Variants in BTAF1 observed in about 807,000 individuals in gnomAD.
The protein encoded by BTAF1 is B-TFIID TATA-box binding protein associated factor 1.
A neutral mutation model predicts 227.1 loss-of-function variants in BTAF1; 38 were observed. The ratio of observed to expected loss-of-function variants is 0.17; its 90% CI spans 0.13 to 0.22. The LOEUF (loss-of-function observed/expected upper bound fraction) is 0.22. Ranked by LOEUF, BTAF1 falls within the 10% of genes least tolerant of loss-of-function variation. The pLI is 1.00. For missense variants in BTAF1, 1,598 were observed against 2,204.0 expected (o/e 0.73, Z 5.51); for synonymous variants, 742 against 751.9 (o/e 0.99, Z 0.21).
At chr10:91,981,143 C>A (rs1343269869) in intron 15 of BTAF1, among the ~76,000 whole-genome samples, 1 of 152,088 alleles carries the variant, frequency 6.6e-6, no homozygotes, top group Non-Finnish European at 1.5e-5. Context: ...ATAGGCTAGT[C>A]CTAGCCCATT....
intron 3 of BTAF1, among the ~76,000 whole-genome samples, chr10:91,941,059 A>G (rs749192552): frequency 6.6e-6 from 1 of 152,128 alleles, no homozygotes; most frequent in African/African-American, 2.4e-5. Flanking sequence ...AGCTTGCCTA[A>G]TACTGTTGCT....
intron 3 of BTAF1, among the ~76,000 whole-genome samples, chr10:91,940,536 C>A (rs1044107706): frequency 6.6e-6 from 1 of 151,838 alleles, no homozygotes; most frequent in South Asian, 2.1e-4. Flanking sequence ...GTTCTGATTG[C>A]CTGTAATGAC....
intron 12 of BTAF1, among the ~76,000 whole-genome samples, chr10:91,963,457 G>A (rs2133908858): frequency 1.3e-5 from 2 of 152,162 alleles, no homozygotes; most frequent in South Asian, 2.1e-4. Context: ...TAGTGATGGG[G>A]GAGTCCCCCT....
intron 11 of BTAF1, among the ~76,000 whole-genome samples, chr10:91,961,928 G>A (rs542386178): frequency 3.8e-4 from 58 of 152,148 alleles, no homozygotes; most frequent in African/African-American, 1.3e-3. Context: ...TCTGGCAGAG[G>A]GGTTTGTGTG....
chr10:91,976,831 G>T (rs1406196851), intron 14 of BTAF1, among the ~76,000 whole-genome samples: 1 of 152,184 alleles, frequency 6.6e-6, no homozygotes, highest in Non-Finnish European at 1.5e-5. Flanking sequence ...AGTGGTAAGA[G>T]ACAAGGCCTT....
chr10:92,020,913 A>G (rs1851074619), intron 34 of BTAF1, among the ~76,000 whole-genome samples: 1 of 151,872 alleles, frequency 6.6e-6, no homozygotes, highest in Non-Finnish European at 1.5e-5. Context: ...TTGATCTCTT[A>G]TTTTAGAGTG....
intron 25 of BTAF1, 44 bp from the exon 26 acceptor site, chr10:92,008,079 C>T (rs1564713279): frequency 5.3e-6 from 8 of 1,498,216 alleles, no homozygotes; most frequent in Non-Finnish European, 7.2e-6. Flanking sequence ...AGAATGAAAA[C>T]TGTGAGTACG....
chr10:91,983,917 CT>C (rs1848229173), intron 18 of BTAF1, among the ~76,000 whole-genome samples: 1 of 149,794 alleles, frequency 6.7e-6, no homozygotes, highest in South Asian at 2.1e-4. Context: ...CCATAATACA[CT>C]TTAAAATCTG....
At position 91,992,273 on chromosome 10, in the gene BTAF1, A is replaced by G; in HGVS notation, c.3009A>G (p.Ala1003=). ...AVKAQIADLP[A]GSSGNILVEL... is the part of the protein sequence containing the mutation. ...AAGCTCAAATAGCAGATCTTCCTGC[A>G]GGAAGTAGTGGAAATATTCTTGTTG... Residue 1003 remains alanine (A), a synonymous_variant, in exon 21 of 38, where the codon GCA becomes GCG. Transcript: ENST00000265990. 1.2e-6 allele frequency: 2 copies of G among 1,613,378 alleles called. No homozygotes were observed. Among genetic ancestry groups the G allele is most frequent in the Non-Finnish European group, 1.7e-6 (2 of 1,179,810 alleles).
intron 32 of BTAF1, among the ~76,000 whole-genome samples, chr10:92,014,233 G>GTT (rs1189359301): frequency 6.8e-6 from 1 of 147,354 alleles, no homozygotes; most frequent in Non-Finnish European, 1.5e-5. Context: ...TGCTTTTTAA[G>GTT]TTTTTTTTTT....
rs997551922 is a variant in BTAF1 at position 91,923,863 on chromosome 10, C to T, written c.-214C>T. The T allele has an allele frequency of 5.5e-5, 26 of 471,906 alleles. No individual in the cohort carries two copies. Among genetic ancestry groups the T allele is most frequent in the African/African-American group, 4.9e-4 (24 of 49,046 alleles). 29.2% of individuals were successfully genotyped at this position (471,906 alleles called of 1,614,324 possible). A position where few individuals can be genotyped will look rare whatever the true frequency, so the allele number is the denominator to read the frequency against. On this transcript the variant is annotated 5_prime_UTR_variant, in exon 1 of 38. Coordinates refer to ENST00000265990, the MANE Select transcript of BTAF1 (RefSeq NM_003972.3). ...GTCGGAGGACTGCCGCCTCCGCTAC[C>T]GTCTTGGACCCCTGCTTACCGGCCG...
In BTAF1 at chr10:92,013,659, G is replaced by C; in HGVS notation, c.4312-8G>C. ...AGTACAAAAGATAATTGGTGTTCCT[G>C]TTTACAGAACAACGTTTTGGAGCTG... On this transcript the variant is annotated splice_region_variant and splice_polypyrimidine_tract_variant and intron_variant, in intron 30 of 37. Transcript: ENST00000265990. 1 of 1,613,940 alleles carries C rather than the reference G, an allele frequency of 6.2e-7. No homozygotes were observed. Among genetic ancestry groups the C allele is most frequent in the Non-Finnish European group, 8.5e-7 (1 of 1,179,962 alleles).
At chr10:91,948,576 C>T (rs973237613) in intron 4 of BTAF1, among the ~76,000 whole-genome samples, 20 of 150,712 alleles carry the variant, frequency 1.3e-4, no homozygotes, top group Non-Finnish European at 4.4e-5. Flanking sequence ...AGATGGGGGT[C>T]TTGCTATGTT....
intron 34 of BTAF1, 96 bp from the exon 35 acceptor site, chr10:92,024,660 T>G (rs947512026): frequency 1.2e-4 from 126 of 1,056,234 alleles, no homozygotes; most frequent in Non-Finnish European, 1.6e-4. Context: ...TCAGGTACAT[T>G]TAACCTTTTC....
At chr10:91,990,614 G>A (rs773603075) in intron 20 of BTAF1, among the ~76,000 whole-genome samples, 5 of 151,998 alleles carry the variant, frequency 3.3e-5, no homozygotes, top group Admixed American at 6.5e-5. Context: ...GACCAAAATG[G>A]AGAAATCCCA....
At chr10:92,008,665 A>G (rs1850106447) in intron 26 of BTAF1, among the ~76,000 whole-genome samples, 164 bp from the exon 27 acceptor site, 1 of 152,064 alleles carries the variant, frequency 6.6e-6, no homozygotes, top group Non-Finnish European at 1.5e-5. Flanking sequence ...CATTTTGTAA[A>G]ATCGATTTAG....
intron 4 of BTAF1, among the ~76,000 whole-genome samples, chr10:91,948,018 T>C (rs961970258): frequency 1.3e-5 from 2 of 152,314 alleles, no homozygotes; most frequent in South Asian, 4.1e-4. Flanking sequence ...ATCTTTTTTT[T>C]ATTATTATAC....
At chr10:92,008,767 T>C in intron 26 of BTAF1, 62 bp from the exon 27 acceptor site, 1 of 1,430,316 alleles carries the variant, frequency 7.0e-7, no homozygotes. Flanking sequence ...TATAAGAAAA[T>C]GTTTTTATAA....
chr10:91,971,693 A>G (rs1847319092), intron 14 of BTAF1, among the ~76,000 whole-genome samples: 2 of 152,006 alleles, frequency 1.3e-5, no homozygotes, highest in Non-Finnish European at 2.9e-5. Flanking sequence ...GCTAGTCTTG[A>G]ACTCCTGACC....
Sources: gnomAD v4.1 joint callset for allele counts (sites outside exome capture counted in the v4.1 genomes callset) on GRCh38, gnomAD v4.1.1 for gene constraint, MANE v1.5 for transcripts, NCBI Gene and HGNC (gene_info 2026-07-23, HGNC 2026-07-21) for gene names.